Variants in CREB5 observed in about 807,000 individuals in gnomAD.
CREB5 encodes cyclic AMP-responsive element-binding protein 5.
A neutral mutation model predicts 57.1 loss-of-function variants in CREB5; 19 were observed. The ratio of observed to expected loss-of-function variants is 0.33; its 90% CI spans 0.23 to 0.49. The LOEUF (loss-of-function observed/expected upper bound fraction) is 0.49, where lower values mean the gene tolerates loss of function less well. Ranked by LOEUF, CREB5 falls within the 20% of genes least tolerant of loss-of-function variation. CREB5 has a pLI of 0.99. For synonymous variants in CREB5, 238 were observed against 238.3 expected (o/e 1.00, Z 0.01); for missense variants, 579 against 671.6 (o/e 0.86, Z 1.52).
chr7:28,331,823 T>A (rs1201189908), intron 1 of CREB5, among the ~76,000 whole-genome samples: 1 of 136,422 alleles, frequency 7.3e-6, no homozygotes, highest in Non-Finnish European at 1.5e-5. Context: ...CACTCCAGCC[T>A]GGGTGACAGA....
Position 28,520,642 on chromosome 7 carries a change from C to A in CREB5, c.291+12905C>A, listed in dbSNP as rs943518040. 5.9e-5 allele frequency among the ~76,000 whole-genome samples: 9 copies of A among 152,202 alleles called. No homozygotes were observed. The South Asian group carries it at 1.7e-3, about 28-fold the overall frequency. On this transcript the variant is annotated intron_variant, in intron 4 of 10. Transcript: ENST00000357727. ...CTGTGGCACAGAGAGAGGGGATAAA[C>A]CTTCATTGTAAAGGATTTTTAGAAA...
chr7:28,767,973 A>AGTC (rs1473774597), intron 7 of CREB5, among the ~76,000 whole-genome samples: 1 of 152,266 alleles, frequency 6.6e-6, no homozygotes, highest in Admixed American at 6.5e-5. Context: ...AAGAAAGAAC[A>AGTC]GTCTTTAAAG....
rs35658848 is a variant in CREB5, at chr7:28,802,078, G to GAAAAAAAAAA, written c.703-2103_703-2094dup. On this transcript the variant is annotated intron_variant, in intron 7 of 10. Transcript: ENST00000357727. ...CTGGCGACACAGCGAGACTCCATCT[G>GAAAAAAAAAA]AAAAAAAAAAAAAAAAAAAAAAAAA... is the stretch of plus-strand genomic sequence containing the variant. Among the ~76,000 whole-genome samples the GAAAAAAAAAA allele has an allele frequency of 7.5e-4, 20 of 26,646 alleles. 4 individuals carry two copies. Among genetic ancestry groups the GAAAAAAAAAA allele is most frequent in the Non-Finnish European group, 8.5e-4 (13 of 15,322 alleles). 17.5% of individuals were successfully genotyped at this position (26,646 alleles called of 152,430 possible).
chr7:28,477,601 T>C (rs1791134677), intron 1 of CREB5, among the ~76,000 whole-genome samples: 1 of 152,214 alleles, frequency 6.6e-6, no homozygotes, highest in South Asian at 2.1e-4. Context: ...TGCGTTTGTT[T>C]ATTAATGGCT....
At chr7:28,569,131 A>G (rs1417596281) in intron 4 of CREB5, among the ~76,000 whole-genome samples, 1 of 151,666 alleles carries the variant, frequency 6.6e-6, no homozygotes, top group African/African-American at 2.4e-5. Flanking sequence ...TTGTTTGGCC[A>G]AGCACTTTCT....
intron 5 of CREB5, among the ~76,000 whole-genome samples, chr7:28,621,580 A>C (rs958764326): frequency 6.6e-6 from 1 of 152,198 alleles, no homozygotes; most frequent in Non-Finnish European, 1.5e-5. Context: ...TGTTTTACAC[A>C]GCCAGTATCA....
chr7:28,568,009 T>G (rs1460687177), intron 4 of CREB5, among the ~76,000 whole-genome samples: 1 of 151,966 alleles, frequency 6.6e-6, no homozygotes, highest in Non-Finnish European at 1.5e-5. Context: ...GTGGCTATAG[T>G]ATGGGAAAAA....
At chr7:28,668,177 C>A (rs553647205) in intron 5 of CREB5, among the ~76,000 whole-genome samples, 1 of 152,256 alleles carries the variant, frequency 6.6e-6, no homozygotes, top group East Asian at 1.9e-4. Context: ...CATGAAGTTT[C>A]CCTTCCCAGG....
chr7:28,527,579 G>C (rs572802231), intron 4 of CREB5, among the ~76,000 whole-genome samples: 1 of 152,308 alleles, frequency 6.6e-6, no homozygotes, highest in Admixed American at 6.5e-5. Flanking sequence ...TGCTGTGAGA[G>C]GCTCATGTAG....
At chr7:28,423,270 C>G (rs1275124325) in intron 1 of CREB5, among the ~76,000 whole-genome samples, 1 of 152,118 alleles carries the variant, frequency 6.6e-6, no homozygotes, top group South Asian at 2.1e-4. Flanking sequence ...TTCCTTCATC[C>G]CTTCCTTCAT....
At chr7:28,629,872 C>T (rs1798139364) in intron 5 of CREB5, among the ~76,000 whole-genome samples, 1 of 152,210 alleles carries the variant, frequency 6.6e-6, no homozygotes, top group Admixed American at 6.5e-5. Context: ...GTAAGTAGAA[C>T]TGTTGGCCAG....
intron 1 of CREB5, among the ~76,000 whole-genome samples, chr7:28,336,594 A>C (rs1308506713): frequency 6.6e-6 from 1 of 151,290 alleles, no homozygotes; most frequent in Non-Finnish European, 1.5e-5. Context: ...CTTTTTTCTT[A>C]GTTTGGTTAA....
At chr7:28,593,279 T>G (rs2128665323) in intron 5 of CREB5, among the ~76,000 whole-genome samples, 1 of 152,332 alleles carries the variant, frequency 6.6e-6, no homozygotes, top group Non-Finnish European at 1.5e-5. Context: ...GACACAGTCT[T>G]GCTCTGTTGC....
At chr7:28,468,815 A>G (rs572738010) in intron 1 of CREB5, among the ~76,000 whole-genome samples, 46 of 152,216 alleles carry the variant, frequency 3.0e-4, no homozygotes, top group Non-Finnish European at 6.2e-4. Flanking sequence ...CCTATGAGGT[A>G]GTTGTCATTA....
At chr7:28,725,656 A>AG (rs570023581) in intron 7 of CREB5, among the ~76,000 whole-genome samples, 4 of 151,452 alleles carry the variant, frequency 2.6e-5, no homozygotes, top group African/African-American at 7.3e-5. Context: ...AAAAAAAAAA[A>AG]AAAAAAGAAA....
In CREB5 at chr7:28,821,499, A is replaced by C. The variant is rs1156942890; in HGVS notation, c.*2220A>C. The C allele has an allele frequency of 6.6e-6, 1 of 151,842 alleles. No individual in the cohort carries two copies. Among genetic ancestry groups the C allele is most frequent in the Non-Finnish European group, 1.5e-5 (1 of 67,962 alleles). The allele number at this position is 151,842 out of a possible 1,614,324, so 9.4% of individuals were successfully genotyped here. On this transcript the variant is annotated 3_prime_UTR_variant, in exon 11 of 11. Transcript: ENST00000357727. The stretch of plus-strand genomic sequence containing the variant: ...CAAAAAAAGAAAAGAGAAAAAAAGA[A>C]AAAATGCAAATGGAATAATTTTCTA...
intron 1 of CREB5, among the ~76,000 whole-genome samples, chr7:28,332,758 A>G (rs1459063495): frequency 1.3e-5 from 2 of 152,130 alleles, no homozygotes; most frequent in Non-Finnish European, 2.9e-5. Context: ...TCACTAACTA[A>G]CTTATCATGG....
chr7:28,782,459 T>G (rs1490870006), intron 7 of CREB5, among the ~76,000 whole-genome samples: 6 of 152,236 alleles, frequency 3.9e-5, no homozygotes, highest in Non-Finnish European at 5.9e-5. Flanking sequence ...GTTTTAATTT[T>G]TCTTTTTTGC....
chr7:28,524,574 A>G (rs1793357432), intron 4 of CREB5, among the ~76,000 whole-genome samples: 2 of 152,212 alleles, frequency 1.3e-5, no homozygotes, highest in Admixed American at 6.5e-5. Context: ...CTAATAACAT[A>G]GTTATTGGTT....
Sources: allele counts gnomAD v4.1 joint callset (sites outside exome capture counted in the v4.1 genomes callset), GRCh38; gene constraint gnomAD v4.1.1; transcripts MANE v1.5; gene names NCBI Gene and HGNC (gene_info 2026-07-23, HGNC 2026-07-21).